Variants in ALPK1 observed in about 807,000 individuals in gnomAD.
ALPK1 encodes alpha-protein kinase 1.
A neutral mutation model predicts 120.6 loss-of-function variants in ALPK1; 110 were observed. That is an observed-to-expected ratio of 0.91 (90% CI 0.78 to 1.07). ALPK1 has a LOEUF of 1.07. Ranked by LOEUF, ALPK1 falls within the 50% of genes least tolerant of loss-of-function variation. The pLI, the probability that ALPK1 is intolerant of heterozygous loss-of-function variation, is 0.00. For missense variants in ALPK1, 1,498 were observed against 1,483.9 expected, an observed-to-expected ratio of 1.01 and a Z score of -0.16; for synonymous variants, 582 against 560.3, an observed-to-expected ratio of 1.04 and a Z score of -0.55.
intron 2 of ALPK1, chr4:112,356,207 A>G (rs1285698256): frequency 6.2e-6 from 10 of 1,601,628 alleles, no homozygotes; most frequent in African/African-American, 5.4e-5. Flanking sequence ...ACAGGAGTAC[A>G]TGACCAAGGT....
intron 1 of ALPK1, among the ~76,000 whole-genome samples, chr4:112,314,696 T>A (rs1186989280): frequency 1.3e-5 from 2 of 151,638 alleles, no homozygotes; most frequent in African/African-American, 4.9e-5. Flanking sequence ...TAGAATCTGG[T>A]GACATGAATT....
At position 112,414,285 on chromosome 4, in the gene ALPK1, T is replaced by G. The variant is rs756345615; in HGVS notation, c.475+2260T>G. On this transcript the variant is annotated intron_variant, in intron 5 of 15. Coordinates refer to ENST00000650871, the MANE Select transcript of ALPK1 (RefSeq NM_025144.4). ...CACAGGATCCCATCCAGCCAAACAC[T>G]CAATGTAGTGGGATGTCAGAAGCAA... is the stretch of plus-strand genomic sequence containing the variant. 3 of 495,776 alleles carry G rather than the reference T, an allele frequency of 6.1e-6. No homozygotes were observed. The Admixed American group carries it at 6.2e-5, about 10-fold the overall frequency. The allele number at this position is 495,776 out of a possible 1,614,324, so 30.7% of individuals were successfully genotyped here.
At chr4:112,328,715 C>T (rs1729224400) in intron 2 of ALPK1, among the ~76,000 whole-genome samples, 1 of 152,178 alleles carries the variant, frequency 6.6e-6, no homozygotes, top group African/African-American at 2.4e-5. Flanking sequence ...CTTTGGAGGA[C>T]TAGTTTTACT....
chr4:112,413,663 C>T (rs1483330413), intron 5 of ALPK1, among the ~76,000 whole-genome samples: 1 of 152,228 alleles, frequency 6.6e-6, no homozygotes, highest in Non-Finnish European at 1.5e-5. Context: ...AGGTGATCCA[C>T]CCACCTCGGC....
intron 12 of ALPK1, among the ~76,000 whole-genome samples, chr4:112,436,466 T>C (rs1055165952): frequency 1.3e-5 from 2 of 152,126 alleles, no homozygotes; most frequent in South Asian, 2.1e-4. Context: ...TACTTGGAAG[T>C]AGAGGGATTG....
In ALPK1 at chr4:112,381,881, C is replaced by A. The variant is rs9884745; in HGVS notation, c.122-517C>A. ...GGGCCATTTCACAATTAATTTACAC[C>A]ATTTCAAATCTGATATGTGTTTTTC... On this transcript the variant is annotated intron_variant, in intron 3 of 15. Transcript: ENST00000650871. 8.4e-3 allele frequency among the ~76,000 whole-genome samples: 1,279 copies of A among 152,140 alleles called. 21 individuals are homozygous for A. Among genetic ancestry groups the A allele is most frequent in the African/African-American group, 0.029 (1,186 of 41,470 alleles).
intron 2 of ALPK1, among the ~76,000 whole-genome samples, chr4:112,376,717 G>T (rs368996136): frequency 2.0e-5 from 3 of 152,248 alleles, no homozygotes; most frequent in African/African-American, 7.2e-5. Flanking sequence ...AGAATAACTA[G>T]AGCCATCCAT....
intron 5 of ALPK1, 85 bp downstream of exon 5, chr4:112,412,110 A>C: frequency 6.6e-7 from 1 of 1,508,496 alleles, no homozygotes. Context: ...TCTGTGGGAC[A>C]CCCGGAGCAC....
chr4:112,319,344 A>G (rs1408389289), intron 2 of ALPK1, among the ~76,000 whole-genome samples: 3 of 152,198 alleles, frequency 2.0e-5, no homozygotes, highest in African/African-American at 7.2e-5. Context: ...TTATGGACCC[A>G]TGGAGCATTT....
At position 112,415,461 on chromosome 4, in the gene ALPK1, C is replaced by T. The variant is rs139652025; in HGVS notation, c.475+3436C>T. Among the ~76,000 whole-genome samples the T allele has an allele frequency of 7.2e-3, 1,102 of 152,140 alleles. 15 individuals carry two copies. Among genetic ancestry groups the T allele is most frequent in the African/African-American group, 0.025 (1,024 of 41,502 alleles). On this transcript the variant is annotated intron_variant, in intron 5 of 15. Transcript: ENST00000650871. ...GACCAGCCTGGCTAACATGGTGAAA[C>T]CCCATCTCTATTAAAAATACAAAAA...
chr4:112,412,145 G>T, intron 5 of ALPK1, 120 bp downstream of exon 5: 1 of 1,239,170 alleles, frequency 8.1e-7, no homozygotes. Flanking sequence ...CCATCTTTCC[G>T]AGCCCGGGGC....
chr4:112,378,220 G>A (rs914971263), intron 3 of ALPK1, among the ~76,000 whole-genome samples: 6 of 152,198 alleles, frequency 3.9e-5, no homozygotes, highest in Non-Finnish European at 8.8e-5. Flanking sequence ...TTAAAAAATT[G>A]AAGCAATTTC....
chr4:112,350,623 G>A (rs1730312275), intron 2 of ALPK1, among the ~76,000 whole-genome samples: 1 of 152,062 alleles, frequency 6.6e-6, no homozygotes, highest in Non-Finnish European at 1.5e-5. Context: ...CCAGACCTCT[G>A]GTACCATTTA....
chr4:112,372,942 A>C (rs562463989), intron 2 of ALPK1, among the ~76,000 whole-genome samples: 5 of 152,254 alleles, frequency 3.3e-5, no homozygotes, highest in African/African-American at 7.2e-5. Flanking sequence ...TTGTGGTTTT[A>C]TTTCTTTGTG....
chr4:112,435,133 C>CTT lies in ALPK1; in HGVS notation c.3035-7_3035-6dup. 1.9e-6 allele frequency: 3 copies of CTT among 1,545,156 alleles called. No homozygotes were observed. The highest frequency in any genetic ancestry group is 3.8e-5 in the Admixed American group (2 of 52,818). ...TTTTGAAAATAAGATTCATTTTCAT[C>CTT]TTTTTTTTTCCCAGGTGCTCTTTTG... is the stretch of plus-strand genomic sequence containing the variant. On this transcript the variant is annotated splice_polypyrimidine_tract_variant and intron_variant, in intron 11 of 15. Transcript: ENST00000650871.
At chr4:112,401,081 C>T (rs1732892324) in intron 4 of ALPK1, among the ~76,000 whole-genome samples, 1 of 152,170 alleles carries the variant, frequency 6.6e-6, no homozygotes. Context: ...TCTGATTTAA[C>T]TGGTCTGGGC....
chr4:112,300,675 G>C (rs1727746142), intron 1 of ALPK1, among the ~76,000 whole-genome samples: 3 of 151,024 alleles, frequency 2.0e-5, no homozygotes, highest in Non-Finnish European at 2.9e-5. Flanking sequence ...TTTTACTTCA[G>C]TCTAATAATT....
intron 2 of ALPK1, among the ~76,000 whole-genome samples, chr4:112,340,153 A>C (rs1292595183): frequency 1.3e-5 from 2 of 152,240 alleles, no homozygotes; most frequent in Non-Finnish European, 2.9e-5. Context: ...AGCGATGGCA[A>C]GACTGCTGCT....
At chr4:112,374,387 C>A (rs1233176051) in intron 2 of ALPK1, among the ~76,000 whole-genome samples, 1 of 152,174 alleles carries the variant, frequency 6.6e-6, no homozygotes, top group Non-Finnish European at 1.5e-5. Flanking sequence ...CTATTTCCAC[C>A]ACATCTGCAG....
Sources: allele counts gnomAD v4.1 joint callset (sites outside exome capture counted in the v4.1 genomes callset), GRCh38; gene constraint gnomAD v4.1.1; transcripts MANE v1.5; gene names NCBI Gene and HGNC (gene_info 2026-07-23, HGNC 2026-07-21).